Variants in LRRC8D observed in about 807,000 individuals in gnomAD.
The protein encoded by LRRC8D is volume-regulated anion channel subunit LRRC8D.
In LRRC8D, 20 loss-of-function variants were observed where a neutral mutation model predicts 55.8. The observed-to-expected ratio is 0.36, with a 90% CI of 0.25 to 0.52. LRRC8D has a LOEUF of 0.52. LRRC8D is among the 20% of genes least tolerant of loss of function. The pLI is 0.93. For missense variants in LRRC8D, 651 were observed against 1,030.8 expected, an observed-to-expected ratio of 0.63 and a Z score of 5.05; for synonymous variants, 352 against 377.0, an observed-to-expected ratio of 0.93 and a Z score of 0.77.
chr1:89,879,663 C>T (rs1454543633), intron 2 of LRRC8D, among the ~76,000 whole-genome samples: 1 of 152,030 alleles, frequency 6.6e-6, no homozygotes, highest in Non-Finnish European at 1.5e-5. Context: ...CTAGTAGACA[C>T]CGTTGTTCTA....
At chr1:89,902,407 A>G (rs1662881806) in intron 2 of LRRC8D, among the ~76,000 whole-genome samples, 1 of 152,120 alleles carries the variant, frequency 6.6e-6, no homozygotes, top group Non-Finnish European at 1.5e-5. Context: ...CTGTGTCTTC[A>G]TATCTCTTCT....
At chr1:89,821,712 G>A (rs1244088922) in intron 1 of LRRC8D, among the ~76,000 whole-genome samples, 1 of 152,112 alleles carries the variant, frequency 6.6e-6, no homozygotes, top group Non-Finnish European at 1.5e-5. Flanking sequence ...TGGCCTTGCT[G>A]GCCCGGCGTC....
At chr1:89,929,045 T>C (rs528038546) in intron 2 of LRRC8D, among the ~76,000 whole-genome samples, 1 of 152,346 alleles carries the variant, frequency 6.6e-6, no homozygotes, top group African/African-American at 2.4e-5. Context: ...AATCATTTCA[T>C]TGATTAAGTA....
rs574980340 is a variant in LRRC8D, at chr1:89,881,719, C to G, written c.-3+37937C>G. 1.4e-3 allele frequency among the ~76,000 whole-genome samples: 206 copies of G among 152,254 alleles called. 1 individual carries two copies. Among genetic ancestry groups the G allele is most frequent in the African/African-American group, 4.7e-3 (196 of 41,554 alleles). Reference sequence around the variant, plus strand: ...CTGAAAAGGCATGATCATGCCTTTTCTTAGGCATGAATTGTGATTTCCATC... The same window carrying G: ...CTGAAAAGGCATGATCATGCCTTTTGTTAGGCATGAATTGTGATTTCCATC... On this transcript the variant is annotated intron_variant, in intron 2 of 2. Transcript: ENST00000337338.
chr1:89,846,000 A>G (rs1348632459), intron 2 of LRRC8D, among the ~76,000 whole-genome samples: 1 of 152,096 alleles, frequency 6.6e-6, no homozygotes, highest in East Asian at 1.9e-4. Flanking sequence ...AGACTGGTCT[A>G]GAACTCCTCA....
At chr1:89,828,247 A>G (rs1485615126) in intron 1 of LRRC8D, among the ~76,000 whole-genome samples, 2 of 152,216 alleles carry the variant, frequency 1.3e-5, no homozygotes, top group African/African-American at 2.4e-5. Flanking sequence ...ATGGTCCACC[A>G]TGGCCCTTGG....
intron 2 of LRRC8D, among the ~76,000 whole-genome samples, chr1:89,860,785 A>AAAAAAAAAAAAAAAT: frequency 3.5e-5 from 1 of 28,198 alleles, no homozygotes; most frequent in Non-Finnish European, 7.2e-5. Flanking sequence ...AAAAAAAAAA[A>AAAAAAAAAAAAAAAT]ATATATATAT....
intron 2 of LRRC8D, among the ~76,000 whole-genome samples, chr1:89,884,347 CATA>C (rs1662361591): frequency 6.6e-6 from 1 of 152,226 alleles, no homozygotes. Context: ...AAAACGCCCA[CATA>C]ATAATAAAAA....
chr1:89,879,651 C>T (rs1297360347), intron 2 of LRRC8D, among the ~76,000 whole-genome samples: 1 of 152,110 alleles, frequency 6.6e-6, no homozygotes, highest in Non-Finnish European at 1.5e-5. Context: ...AAATGTGGCA[C>T]ACTAGTAGAC....
At chr1:89,881,789 T>C (rs1189927283) in intron 2 of LRRC8D, among the ~76,000 whole-genome samples, 1 of 152,178 alleles carries the variant, frequency 6.6e-6, no homozygotes, top group African/African-American at 2.4e-5. Context: ...TTAGCTTCTG[T>C]TTTTCATTTC....
intron 2 of LRRC8D, among the ~76,000 whole-genome samples, chr1:89,921,702 G>A (rs1028690417): frequency 1.3e-5 from 2 of 151,996 alleles, no homozygotes; most frequent in Non-Finnish European, 2.9e-5. Flanking sequence ...CTGCCACCAA[G>A]CCCGGCTAAT....
chr1:89,857,792 A>G (rs936771184), intron 2 of LRRC8D, among the ~76,000 whole-genome samples: 5 of 152,270 alleles, frequency 3.3e-5, no homozygotes, highest in Non-Finnish European at 5.9e-5. Flanking sequence ...GTGGTTTGAC[A>G]TAAAGTTTTC....
chr1:89,917,132 T>A (rs1663292397), intron 2 of LRRC8D, among the ~76,000 whole-genome samples: 1 of 152,246 alleles, frequency 6.6e-6, no homozygotes, highest in Admixed American at 6.5e-5. Flanking sequence ...ATAGAGACTC[T>A]AGGCTATTTG....
At position 89,851,070 on chromosome 1, in the gene LRRC8D, GT is replaced by G. The variant is rs200321844; in HGVS notation, c.-3+7299del. On this transcript the variant is annotated intron_variant, in intron 2 of 2. Transcript: ENST00000337338. ...GTTACATTTTCTTCTGTTTTTTTGTGTTTTTTTTTTTGTCTTTTCTTTTCTT... is the reference window on the plus strand; with the variant it reads ...GTTACATTTTCTTCTGTTTTTTTGTGTTTTTTTTTTGTCTTTTCTTTTCTT... Among the ~76,000 whole-genome samples the G allele has an allele frequency of 6.6e-4, 94 of 143,048 alleles. 1 individual carries two copies. The highest frequency in any genetic ancestry group is 3.5e-3 in the Middle Eastern group (1 of 284). The allele number at this position is 143,048 out of a possible 152,430, so 93.8% of individuals were successfully genotyped here. A position where few individuals can be genotyped will look rare whatever the true frequency, so the allele number is the denominator to read the frequency against.
At chr1:89,929,067 T>C (rs1663636337) in intron 2 of LRRC8D, among the ~76,000 whole-genome samples, 1 of 152,226 alleles carries the variant, frequency 6.6e-6, no homozygotes, top group Admixed American at 6.5e-5. Flanking sequence ...CTACTATGTG[T>C]CAGGCATTGG....
At chr1:89,884,784 T>C (rs780914469) in intron 2 of LRRC8D, among the ~76,000 whole-genome samples, 3 of 152,210 alleles carry the variant, frequency 2.0e-5, no homozygotes. Context: ...AACGGCACAG[T>C]AACTGGTAAT....
chr1:89,840,766 C>T (rs1010147162), intron 1 of LRRC8D, among the ~76,000 whole-genome samples: 3 of 152,190 alleles, frequency 2.0e-5, no homozygotes, highest in Non-Finnish European at 2.9e-5. Flanking sequence ...GTTAGATAGT[C>T]TAATCGCATG....
intron 2 of LRRC8D, among the ~76,000 whole-genome samples, chr1:89,881,127 C>A (rs1002100327): frequency 6.6e-6 from 1 of 152,136 alleles, no homozygotes; most frequent in Non-Finnish European, 1.5e-5. Flanking sequence ...TGGCCTATCT[C>A]ATTTCCAGCT....
intron 2 of LRRC8D, among the ~76,000 whole-genome samples, chr1:89,877,170 AG>A (rs1662168356): frequency 6.6e-6 from 1 of 152,172 alleles, no homozygotes; most frequent in Admixed American, 6.5e-5. Context: ...GTCTAAGGAA[AG>A]GAACATCTAG....
Sources: gnomAD v4.1 joint callset for allele counts (sites outside exome capture counted in the v4.1 genomes callset) on GRCh38, gnomAD v4.1.1 for gene constraint, MANE v1.5 for transcripts, NCBI Gene and HGNC (gene_info 2026-07-23, HGNC 2026-07-21) for gene names.